ZNF324: variants seen among roughly 807,000 people sequenced by gnomAD.
ZNF324 encodes zinc finger protein 324, also known as zinc finger protein 324A.
Under a neutral mutation model 10.3 loss-of-function variants are expected in ZNF324, and 3 were observed. That is an observed-to-expected ratio of 0.29 (90% confidence interval 0.13 to 0.75). ZNF324 has a LOEUF of 0.75. Among genes scored for constraint, ZNF324 ranks in the 30% least tolerant of loss-of-function variants. The pLI is 0.69. For missense variants in ZNF324, 763 were observed against 784.4 expected (o/e 0.97, Z 0.33); for synonymous variants, 430 against 339.5 (o/e 1.27, Z -2.93).
In ZNF324 at chr19:58,475,126, A is replaced by C. The variant is rs1414797605; in HGVS notation, c.*2972A>C. 1.3e-5 allele frequency: 2 copies of C among 152,108 alleles called. No individual in the cohort carries two copies. The highest frequency in any genetic ancestry group is 2.4e-5 in the African/African-American group (1 of 41,430). 9.4% of individuals were successfully genotyped at this position (152,108 alleles called of 1,614,324 possible). On this transcript the variant is annotated 3_prime_UTR_variant, in exon 4 of 4. Transcript: ENST00000196482. ...CCTCATCCCCAAAAACAACCTGAGG[A>C]GGCCGTTGGAAAGCTCCGAGTTGAC...
Position 58,472,227 on chromosome 19 carries a change from A to G in ZNF324, c.*73A>G. The stretch of plus-strand genomic sequence containing the variant: ...AAGGGCATATGTCCTCTGCAGATCC[A>G]CAGCAGAGAAAAAGTCCCGTGCTTG... On this transcript the variant is annotated 3_prime_UTR_variant, in exon 4 of 4. Coordinates refer to ENST00000196482, the MANE Select transcript of ZNF324 (RefSeq NM_014347.3). 1 of 1,414,840 alleles carries G rather than the reference A, an allele frequency of 7.1e-7. No homozygotes were observed. Among genetic ancestry groups the G allele is most frequent in the Non-Finnish European group, 9.4e-7 (1 of 1,066,718 alleles). The allele number at this position is 1,414,840 out of a possible 1,614,324, so 87.6% of individuals were successfully genotyped here.
In ZNF324 at chr19:58,470,982, T is replaced by G; in HGVS notation, c.490T>G (p.Ser164Ala). The G allele has an allele frequency of 6.2e-7, 1 of 1,614,110 alleles. No individual in the cohort carries two copies. Among genetic ancestry groups the G allele is most frequent in the Non-Finnish European group, 8.5e-7 (1 of 1,180,032 alleles). Residue 164 changes from serine to alanine, a missense_variant, in exon 4 of 4, where the codon TCC (serine) becomes GCC (alanine). Physicochemically the swap from Ser to Ala is moderately conservative, Grantham distance 99. Transcript: ENST00000196482. ...GQASVSLRLT[S>A]PLRPPEGVRL... ...AGCCAGCGTCAGCCTGCGACTGACC[T>G]CCCCGCTTAGGCCTCCCGAGGGCGT... is the stretch of plus-strand genomic sequence containing the variant.
In ZNF324 at chr19:58,475,028, T is replaced by G. The variant is rs1224046575; in HGVS notation, c.*2874T>G. The stretch of plus-strand genomic sequence containing the variant: ...TTAACGCCCCAGTGCTCTCCCCACA[T>G]GGTGGAGGGTGAAAGTTTTTGTTTT... On this transcript the variant is annotated 3_prime_UTR_variant, in exon 4 of 4. Coordinates refer to ENST00000196482, the MANE Select transcript of ZNF324 (RefSeq NM_014347.3). 1 of 152,036 alleles carries G rather than the reference T, an allele frequency of 6.6e-6. No homozygotes were observed. Among genetic ancestry groups the G allele is most frequent in the Non-Finnish European group, 1.5e-5 (1 of 68,012 alleles). The allele number at this position is 152,036 out of a possible 1,614,324, so 9.4% of individuals were successfully genotyped here.
Position 58,470,725 on chromosome 19 carries a change from C to A in ZNF324, c.239-6C>A. 1 of 1,605,906 alleles carries A rather than the reference C, an allele frequency of 6.2e-7. No homozygotes were observed. Among genetic ancestry groups the A allele is most frequent in the African/African-American group, 1.5e-5 (1 of 67,904 alleles). Reference sequence around the variant, plus strand: ...CCCCAGGCAACCACTGTTTCTCTGCCTTTAGGTTCCTGGAGTTTGACAGAG... The same window carrying A: ...CCCCAGGCAACCACTGTTTCTCTGCATTTAGGTTCCTGGAGTTTGACAGAG... On this transcript the variant is annotated splice_polypyrimidine_tract_variant and splice_region_variant and intron_variant, in intron 3 of 3. Coordinates refer to ENST00000196482, the MANE Select transcript of ZNF324 (RefSeq NM_014347.3).
In ZNF324 at chr19:58,474,754, G is replaced by A. The variant is rs972673871; in HGVS notation, c.*2600G>A. The A allele has an allele frequency of 6.6e-6, 1 of 152,248 alleles. No individual in the cohort carries two copies. Among genetic ancestry groups the A allele is most frequent in the African/African-American group, 2.4e-5 (1 of 41,428 alleles). The allele number at this position is 152,248 out of a possible 1,614,324, so 9.4% of individuals were successfully genotyped here. A position where few individuals can be genotyped will look rare whatever the true frequency, so the allele number is the denominator to read the frequency against. On this transcript the variant is annotated 3_prime_UTR_variant, in exon 4 of 4. Transcript: ENST00000196482. ...AAATCCACTGAAACCACAGAGGGGAGTATTTAAAACACATAACCCACAAGT... is the reference window on the plus strand; with the variant it reads ...AAATCCACTGAAACCACAGAGGGGAATATTTAAAACACATAACCCACAAGT...
chr19:58,469,833 G>A lies in ZNF324; in HGVS notation c.227G>A (p.Arg76Lys). 6.3e-7 allele frequency: 1 copy of A among 1,599,560 alleles called. No homozygotes were observed. Among genetic ancestry groups the A allele is most frequent in the Non-Finnish European group, 8.5e-7 (1 of 1,173,116 alleles). Residue 76 changes from arginine (R) to lysine (K), a missense_variant, in exon 3 of 4, where the codon AGG becomes AAG. Coordinates refer to ENST00000196482, the MANE Select transcript of ZNF324 (RefSeq NM_014347.3). ...ACCCTGTCCAGGACCACCTACAGGA[G>A]GCGCAACCCTGGTGAGAGGGAGCTC... ...DTTLSRTTYR[R>K]RNPGSWSLTE...
At chr19:58,469,642 C>T in intron 2 of ZNF324, 86 bp from the exon 3 acceptor site, 1 of 1,131,022 alleles carries the variant, frequency 8.8e-7, no homozygotes, top group Middle Eastern at 2.7e-4. Context: ...TTTTCTGTTT[C>T]CGTGAAGCCC....
In ZNF324 at chr19:58,472,370, T is replaced by C. The variant is rs1303784836; in HGVS notation, c.*216T>C. ...CCAAAGAGGTAGCACTGCAGCAACATCAGGGGGAGGACGTGGTGGCTGAAC... is the reference window on the plus strand; with the variant it reads ...CCAAAGAGGTAGCACTGCAGCAACACCAGGGGGAGGACGTGGTGGCTGAAC... On this transcript the variant is annotated 3_prime_UTR_variant, in exon 4 of 4. Coordinates refer to ENST00000196482, the MANE Select transcript of ZNF324 (RefSeq NM_014347.3). The C allele has an allele frequency of 3.5e-6, 2 of 571,646 alleles. No homozygotes were observed. The highest frequency in any genetic ancestry group is 3.1e-6 in the Non-Finnish European group (1 of 327,262). The allele number at this position is 571,646 out of a possible 1,614,324, so 35.4% of individuals were successfully genotyped here.
chr19:58,474,945 G>C lies in ZNF324; in HGVS notation c.*2791G>C, dbSNP rs1376199125. The stretch of plus-strand genomic sequence containing the variant: ...AACCGCAGAAGGCTGAGAACCAGCA[G>C]CCCAGAGACGGGAGACCTATATCAA... On this transcript the variant is annotated 3_prime_UTR_variant, in exon 4 of 4. Transcript: ENST00000196482. 2 of 152,264 alleles carry C rather than the reference G, an allele frequency of 1.3e-5. No homozygotes were observed. The highest frequency in any genetic ancestry group is 2.4e-5 in the African/African-American group (1 of 41,450). 9.4% of individuals were successfully genotyped at this position (152,264 alleles called of 1,614,324 possible). A position where few individuals can be genotyped will look rare whatever the true frequency, so the allele number is the denominator to read the frequency against.
intron 3 of ZNF324, among the ~76,000 whole-genome samples, chr19:58,470,165 A>G (rs2053015595): frequency 6.6e-6 from 1 of 152,144 alleles, no homozygotes; most frequent in African/African-American, 2.4e-5. Context: ...TTCACCCTTC[A>G]TCTTTGTGTT....
rs2053018211 is a variant in ZNF324 at position 58,470,410 on chromosome 19, G to A, written c.239-321G>A. On this transcript the variant is annotated intron_variant, in intron 3 of 3. Transcript: ENST00000196482. ...GACAGGGGCGGGGGGAAGGGGGTAA[G>A]CAATGGAAAGAGTGTGGGTGGAATA... The A allele has an allele frequency of 3.9e-5, 18 of 464,782 alleles. 1 individual carries two copies. The highest frequency in any genetic ancestry group is 3.5e-4 in the South Asian group (17 of 48,846). The allele number at this position is 464,782 out of a possible 1,614,324, so 28.8% of individuals were successfully genotyped here.
At chr19:58,467,238 G>GCGCCGGC (rs912050253) in intron 1 of ZNF324, 55 bp downstream of exon 1, 37 of 151,440 alleles carry the variant, frequency 2.4e-4, no homozygotes, top group Admixed American at 2.3e-3. Context: ...GTGATCAAGG[G>GCGCCGGC]CGCCGGCCGC....
rs1162971377 is a variant in ZNF324 at position 58,470,834 on chromosome 19, T to C, written c.342T>C (p.Gly114=). The part of the protein sequence containing the change: ...GMTTSVFPVA[G]ACHSVKSLQR... ...CTACTAGCGTCTTCCCTGTTGCCGG[T>C]GCCTGCCACAGTGTAAAAAGCCTGC... The change falls in exon 4 of 4, where the codon GGT becomes GGC. Residue 114 remains glycine (G), a synonymous_variant. Coordinates refer to ENST00000196482, the MANE Select transcript of ZNF324 (RefSeq NM_014347.3). 6.2e-7 allele frequency: 1 copy of C among 1,614,194 alleles called. No individual in the cohort carries two copies. Among genetic ancestry groups the C allele is most frequent in the Non-Finnish European group, 8.5e-7 (1 of 1,180,038 alleles).
rs796217341 is a variant in ZNF324 at position 58,469,732 on chromosome 19, C to G, written c.126C>G (p.Leu42=). Residue 42 remains leucine (L), a synonymous_variant, in exon 3 of 4, where the codon CTC becomes CTG. Coordinates refer to ENST00000196482, the MANE Select transcript of ZNF324 (RefSeq NM_014347.3). ...DNFALVASLG[L]STSRPRVVIQ... ...ACCTGCACCTCCTCCTCACAGGACT[C>G]TCCACCTCTCGACCTCGTGTGGTCA... The G allele has an allele frequency of 3.2e-6, 5 of 1,572,264 alleles. No individual in the cohort carries two copies. In the African/African-American group the frequency reaches 4.0e-5, roughly 13 times the overall value.
Position 58,472,495 on chromosome 19 carries a change from G to C in ZNF324, c.*341G>C. On this transcript the variant is annotated 3_prime_UTR_variant, in exon 4 of 4. Transcript: ENST00000196482. ...GTGATATGACAGTGGATGCTAAGGT[G>C]AGAGGGATGCAGGCATGGGTTGGGG... 1 of 283,722 alleles carries C rather than the reference G, an allele frequency of 3.5e-6. No homozygotes were observed. The highest frequency in any genetic ancestry group is 4.7e-5 in the Admixed American group (1 of 21,488). 17.6% of individuals were successfully genotyped at this position (283,722 alleles called of 1,614,324 possible).
Position 58,472,132 on chromosome 19 carries a change from T to A in ZNF324, c.1640T>A (p.Val547Asp), listed in dbSNP as rs1352388763. ...ACTCCCGCCTCGGGCCCAGCCGCCG[T>A]CTCGCAGCCAGCGGAGGTCTGAGGT... ...EPTPASGPAA[V>D]SQPAEV Residue 547 changes from valine to aspartate, a missense_variant, in exon 4 of 4, where the codon GTC becomes GAC. Val to Asp is a radical substitution (Grantham distance 152). Around this residue, in one of 3 missense-constraint regions of ZNF324, gnomAD observed 231 missense variants for 196.0 expected, o/e 1.18. Transcript: ENST00000196482. 1 of 1,586,758 alleles carries A rather than the reference T, an allele frequency of 6.3e-7. No homozygotes were observed.
Position 58,473,361 on chromosome 19 carries a change from C to G in ZNF324, c.*1207C>G, listed in dbSNP as rs1260131832. ...TTCCTGTGGCCTTCAGCAGACCAGG[C>G]CCTGTCCCTACCTGGAGCCTCACCT... On this transcript the variant is annotated 3_prime_UTR_variant, in exon 4 of 4. Coordinates refer to ENST00000196482, the MANE Select transcript of ZNF324 (RefSeq NM_014347.3). 1 of 151,024 alleles carries G rather than the reference C, an allele frequency of 6.6e-6. No homozygotes were observed. The highest frequency in any genetic ancestry group is 1.5e-5 in the Non-Finnish European group (1 of 67,912). The allele number at this position is 151,024 out of a possible 1,614,324, so 9.4% of individuals were successfully genotyped here.
At position 58,472,303 on chromosome 19, in the gene ZNF324, G is replaced by A. The variant is rs2053044004; in HGVS notation, c.*149G>A. On this transcript the variant is annotated 3_prime_UTR_variant, in exon 4 of 4. Coordinates refer to ENST00000196482, the MANE Select transcript of ZNF324 (RefSeq NM_014347.3). Reference sequence around the variant, plus strand: ...TGGCTGTGATTTCATTTGCACGTGGGGACAGGATTTGCCAGTTCACCCACA... The same window carrying A: ...TGGCTGTGATTTCATTTGCACGTGGAGACAGGATTTGCCAGTTCACCCACA... 1.2e-6 allele frequency: 1 copy of A among 868,318 alleles called. No homozygotes were observed. The highest frequency in any genetic ancestry group is 1.7e-6 in the Non-Finnish European group (1 of 585,772). 53.8% of individuals were successfully genotyped at this position (868,318 alleles called of 1,614,324 possible). A position where few individuals can be genotyped will look rare whatever the true frequency, so the allele number is the denominator to read the frequency against.
rs1049419679 is a variant in ZNF324 at position 58,472,434 on chromosome 19, C to G, written c.*280C>G. On this transcript the variant is annotated 3_prime_UTR_variant, in exon 4 of 4. Coordinates refer to ENST00000196482, the MANE Select transcript of ZNF324 (RefSeq NM_014347.3). ...AGACTATTCAGAGCCAGTAGGAGGC[C>G]GACAGTCACAGCACTGCACTGTGGT... 2 of 475,564 alleles carry G rather than the reference C, an allele frequency of 4.2e-6. No homozygotes were observed. Among genetic ancestry groups the G allele is most frequent in the Non-Finnish European group, 7.5e-6 (2 of 265,610 alleles). The allele number at this position is 475,564 out of a possible 1,614,324, so 29.5% of individuals were successfully genotyped here.
Sources: allele counts gnomAD v4.1 joint callset (sites outside exome capture counted in the v4.1 genomes callset), GRCh38; gene constraint gnomAD v4.1.1; regional missense constraint gnomAD v4.1.1; transcripts MANE v1.5; gene names NCBI Gene and HGNC (gene_info 2026-07-23, HGNC 2026-07-21).